PLXNA4: variants seen among roughly 807,000 people sequenced by gnomAD.
The protein encoded by PLXNA4 is plexin A4, also known as plexin-A4.
A neutral mutation model predicts 191.8 loss-of-function variants in PLXNA4; 44 were observed. That is an observed-to-expected ratio of 0.23 (90% CI 0.18 to 0.29). The LOEUF (loss-of-function observed/expected upper bound fraction) is 0.29. Among genes scored for constraint, PLXNA4 ranks in the 10% least tolerant of loss-of-function variants. PLXNA4 has a pLI of 1.00. For synonymous variants in PLXNA4, 1,082 were observed against 1,009.5 expected, an observed-to-expected ratio of 1.07 and a Z score of -1.36; for missense variants, 1,800 against 2,488.8, an observed-to-expected ratio of 0.72 and a Z score of 5.89.
intron 3 of PLXNA4, among the ~76,000 whole-genome samples, chr7:132,333,761 A>G (rs780266039): frequency 1.1e-4 from 16 of 152,100 alleles, no homozygotes; most frequent in Non-Finnish European, 1.9e-4. Flanking sequence ...TCCGGGCCCC[A>G]CTTCCCAAGG....
intron 3 of PLXNA4, among the ~76,000 whole-genome samples, chr7:132,308,221 C>A (rs1388006179): frequency 6.6e-6 from 1 of 152,186 alleles, no homozygotes; most frequent in Non-Finnish European, 1.5e-5. Flanking sequence ...GAAACAGCTT[C>A]ACTGAGTGCA....
intron 28 of PLXNA4, 162 bp from the exon 29 acceptor site, chr7:132,145,450 C>T (rs770253679): frequency 1.1e-6 from 1 of 947,664 alleles, no homozygotes; most frequent in Non-Finnish European, 1.5e-6. Context: ...TTTCCCATTT[C>T]ATCTGTCTCT....
intron 2 of PLXNA4, among the ~76,000 whole-genome samples, chr7:132,611,100 T>G (rs1283227477): frequency 6.6e-6 from 1 of 152,242 alleles, no homozygotes; most frequent in East Asian, 1.9e-4. Flanking sequence ...AAGTGAATTT[T>G]TAAAAGTCTC....
chr7:132,409,857 G>A (rs1271665756), intron 3 of PLXNA4, among the ~76,000 whole-genome samples: 1 of 152,228 alleles, frequency 6.6e-6, no homozygotes, highest in Admixed American at 6.5e-5. Context: ...TCCTCCGGGA[G>A]ATCCCCCAGT....
intron 3 of PLXNA4, among the ~76,000 whole-genome samples, chr7:132,479,617 A>G (rs1259118211): frequency 6.6e-6 from 1 of 152,184 alleles, no homozygotes; most frequent in African/African-American, 2.4e-5. Flanking sequence ...TTTGGGGGGA[A>G]GAGGATTGCT....
At chr7:132,306,395 T>C (rs1327863557) in intron 3 of PLXNA4, among the ~76,000 whole-genome samples, 2 of 152,212 alleles carry the variant, frequency 1.3e-5, no homozygotes, top group Non-Finnish European at 2.9e-5. Context: ...GTCTCTCTCC[T>C]GGCTCTGACC....
intron 21 of PLXNA4, among the ~76,000 whole-genome samples, chr7:132,171,931 G>C (rs1239686964): frequency 6.6e-6 from 1 of 152,182 alleles, no homozygotes; most frequent in African/African-American, 2.4e-5. Flanking sequence ...AACGGCAACA[G>C]TTTTATTACC....
chr7:132,385,368 T>G, intron 3 of PLXNA4: 1 of 1,499,438 alleles, frequency 6.7e-7, no homozygotes, highest in Non-Finnish European at 8.9e-7. Flanking sequence ...CTTATTCCCC[T>G]CCTCCTTTCT....
chr7:132,467,516 G>T (rs1796755217), intron 3 of PLXNA4, among the ~76,000 whole-genome samples: 1 of 152,132 alleles, frequency 6.6e-6, no homozygotes, highest in South Asian at 2.1e-4. Context: ...AAACTTCTTT[G>T]AAGATCCCAC....
intron 3 of PLXNA4, among the ~76,000 whole-genome samples, chr7:132,340,499 C>T (rs1476895615): frequency 6.6e-6 from 1 of 152,204 alleles, no homozygotes; most frequent in East Asian, 1.9e-4. Context: ...CTTCCTGTCC[C>T]TGTCCCCACT....
At chr7:132,277,043 T>C (rs752701827) in intron 4 of PLXNA4, among the ~76,000 whole-genome samples, 2 of 152,186 alleles carry the variant, frequency 1.3e-5, no homozygotes, top group African/African-American at 2.4e-5. Flanking sequence ...TTTTGCAAGA[T>C]GGTGGGATTG....
rs146285752 is a variant in PLXNA4 at position 132,127,588 on chromosome 7, C to T, written c.*2891G>A. The T allele has an allele frequency of 1.6e-4, 24 of 152,258 alleles. No homozygotes were observed. The highest frequency in any genetic ancestry group is 5.5e-4 in the African/African-American group (23 of 41,550). 9.4% of individuals were successfully genotyped at this position (152,258 alleles called of 1,614,324 possible). On this transcript the variant is annotated 3_prime_UTR_variant, in exon 32 of 32. Coordinates refer to ENST00000321063, the MANE Select transcript of PLXNA4 (RefSeq NM_020911.2). ...CCAAACGGAAGAAATGGAAAACAAA[C>T]AGCAGAAGATAATTTTTATAAGCAA... is the stretch of plus-strand genomic sequence containing the variant.
chr7:132,593,995 G>C (rs571192877), intron 2 of PLXNA4, among the ~76,000 whole-genome samples: 1 of 152,370 alleles, frequency 6.6e-6, no homozygotes, highest in South Asian at 2.1e-4. Context: ...CCCAGACCCA[G>C]GCATGGGGCC....
At chr7:132,644,250 C>T (rs747771916) in intron 2 of PLXNA4, among the ~76,000 whole-genome samples, 39 of 152,184 alleles carry the variant, frequency 2.6e-4, no homozygotes, top group Non-Finnish European at 4.9e-4. Flanking sequence ...TAGCAACGCC[C>T]ACCTCATGGG....
At chr7:132,424,680 A>G (rs1368398730) in intron 3 of PLXNA4, among the ~76,000 whole-genome samples, 2 of 152,218 alleles carry the variant, frequency 1.3e-5, no homozygotes, top group African/African-American at 2.4e-5. Flanking sequence ...GCCTCCCTCA[A>G]ATGGTGAATT....
At chr7:132,194,906 G>A (rs10225324) in intron 13 of PLXNA4, among the ~76,000 whole-genome samples, 62,388 of 151,570 alleles carry the variant, frequency 0.41, 13,369 homozygotes, top group South Asian at 0.66. Context: ...GTATATGTAT[G>A]TATCTTTGCA....
At chr7:132,606,791 T>A (rs924841543) in intron 2 of PLXNA4, among the ~76,000 whole-genome samples, 1 of 152,224 alleles carries the variant, frequency 6.6e-6, no homozygotes, top group East Asian at 1.9e-4. Flanking sequence ...GCACCTGATA[T>A]ATGGCAAAAA....
chr7:132,427,837 T>C (rs955693655), intron 3 of PLXNA4, among the ~76,000 whole-genome samples: 1 of 152,178 alleles, frequency 6.6e-6, no homozygotes, highest in South Asian at 2.1e-4. Context: ...TTTGCAAATG[T>C]TTTTGCAAAA....
intron 1 of PLXNA4, among the ~76,000 whole-genome samples, chr7:132,554,285 C>A (rs1249231219): frequency 6.6e-6 from 1 of 152,128 alleles, no homozygotes; most frequent in East Asian, 1.9e-4. Context: ...AATGAGGTGC[C>A]CCTTTTCCTT....
Sources: gnomAD v4.1 joint callset for allele counts (sites outside exome capture counted in the v4.1 genomes callset) on GRCh38, gnomAD v4.1.1 for gene constraint, MANE v1.5 for transcripts, NCBI Gene and HGNC (gene_info 2026-07-23, HGNC 2026-07-21) for gene names.